Variants in CBLB observed in about 807,000 individuals in gnomAD.
CBLB encodes the protein E3 ubiquitin-protein ligase CBL-B.
A neutral mutation model predicts 104.9 loss-of-function variants in CBLB; 31 were observed. The observed-to-expected ratio is 0.30, with a 90% CI of 0.22 to 0.40. CBLB has a LOEUF of 0.40. Among genes scored for constraint, CBLB ranks in the 10% least tolerant of loss-of-function variants. The pLI, the probability that CBLB is intolerant of heterozygous loss-of-function variation, is 1.00. For missense variants in CBLB, 1,062 were observed against 1,214.6 expected, an observed-to-expected ratio of 0.87 and a Z score of 1.87; for synonymous variants, 440 against 422.6, an observed-to-expected ratio of 1.04 and a Z score of -0.51.
chr3:105,691,956 AT>A (rs1443334069), intron 13 of CBLB, among the ~76,000 whole-genome samples: 3 of 152,218 alleles, frequency 2.0e-5, no homozygotes, highest in African/African-American at 7.2e-5. Flanking sequence ...CTCCAAACTC[AT>A]TTGAAACTAC....
At position 105,681,348 on chromosome 3, in the gene CBLB, G is replaced by A. The variant is rs560150179; in HGVS notation, c.2428+131C>T. The A allele has an allele frequency of 1.5e-4, 128 of 852,282 alleles. No homozygotes were observed. The Middle Eastern group carries it at 2.1e-3, about 14-fold the overall frequency. The allele number at this position is 852,282 out of a possible 1,614,324, so 52.8% of individuals were successfully genotyped here. On this transcript the variant is annotated intron_variant, in intron 16 of 18. Coordinates refer to ENST00000394030, the MANE Select transcript of CBLB (RefSeq NM_170662.5). ...TGAACTTGGGAGTCACCGGCACCTG[G>A]AGAACCCATTCAAATTTCAGGCAAA...
chr3:105,690,208 G>T (rs2067502083), intron 13 of CBLB, among the ~76,000 whole-genome samples: 1 of 152,184 alleles, frequency 6.6e-6, no homozygotes, highest in Non-Finnish European at 1.5e-5. Context: ...CTACAGAAGT[G>T]TATGTTTGGT....
At chr3:105,843,561 G>GTTTTTC (rs2089845206) in intron 3 of CBLB, among the ~76,000 whole-genome samples, 1 of 151,996 alleles carries the variant, frequency 6.6e-6, no homozygotes, top group African/African-American at 2.4e-5. Context: ...AATTTCTAAA[G>GTTTTTC]AGAGATGGCA....
In CBLB at chr3:105,782,916, A is replaced by G. The variant is rs571033136; in HGVS notation, c.420-6374T>C. ...ATGTTATCTACGAAGTTTTATTAAC[A>G]GCAAGAAGCTATCCCTCAAAATAAG... On this transcript the variant is annotated intron_variant, in intron 3 of 18. Transcript: ENST00000394030. Among the ~76,000 whole-genome samples the G allele has an allele frequency of 2.6e-5, 4 of 152,326 alleles. No homozygotes were observed. In the South Asian group the frequency reaches 8.3e-4, roughly 32 times the overall value.
At chr3:105,782,852 G>A (rs1325631613) in intron 3 of CBLB, among the ~76,000 whole-genome samples, 1 of 152,152 alleles carries the variant, frequency 6.6e-6, no homozygotes, top group East Asian at 1.9e-4. Flanking sequence ...GATTACAGGC[G>A]TGAGCCAACT....
rs558999086 is a variant in CBLB at position 105,785,948 on chromosome 3, T to G, written c.420-9406A>C. Among the ~76,000 whole-genome samples the G allele has an allele frequency of 1.3e-4, 20 of 151,574 alleles. No individual in the cohort carries two copies. In the South Asian group the frequency reaches 3.3e-3, roughly 25 times the overall value. On this transcript the variant is annotated intron_variant, in intron 3 of 18. Coordinates refer to ENST00000394030, the MANE Select transcript of CBLB (RefSeq NM_170662.5). ...GCATATCAAGTGCCCCAGATATGCC[T>G]TCTCCGTTTGAAAGCCAACACAGAC... is the stretch of plus-strand genomic sequence containing the variant.
intron 3 of CBLB, among the ~76,000 whole-genome samples, chr3:105,805,044 C>G (rs2083334726): frequency 6.6e-6 from 1 of 152,164 alleles, no homozygotes; most frequent in Admixed American, 6.5e-5. Context: ...ATCACTTATC[C>G]AAACAATAGC....
At chr3:105,752,894 T>G (rs116007105) in intron 4 of CBLB, among the ~76,000 whole-genome samples, 44 of 152,226 alleles carry the variant, frequency 2.9e-4, no homozygotes, top group Non-Finnish European at 4.0e-4. Flanking sequence ...CTGCTGCTGC[T>G]GCTCTAGAGA....
At chr3:105,813,970 G>A (rs761802998) in intron 3 of CBLB, among the ~76,000 whole-genome samples, 67 of 152,206 alleles carry the variant, frequency 4.4e-4, no homozygotes, top group African/African-American at 1.6e-3. Flanking sequence ...AAGAAAGATC[G>A]TAGGACAGAA....
intron 3 of CBLB, among the ~76,000 whole-genome samples, chr3:105,790,885 C>T (rs2081554799): frequency 6.6e-6 from 1 of 152,194 alleles, no homozygotes; most frequent in African/African-American, 2.4e-5. Context: ...AGGACCCTGC[C>T]TCCCCATCCA....
intron 4 of CBLB, among the ~76,000 whole-genome samples, chr3:105,763,822 C>T (rs1203027943): frequency 6.6e-6 from 1 of 152,154 alleles, no homozygotes; most frequent in Non-Finnish European, 1.5e-5. Flanking sequence ...GCAGAAGATA[C>T]TGGGTTTCTG....
At chr3:105,770,016 T>G (rs2078674764) in intron 4 of CBLB, among the ~76,000 whole-genome samples, 1 of 152,136 alleles carries the variant, frequency 6.6e-6, no homozygotes. Context: ...AGTTAGAATC[T>G]GTGTTTCTAA....
rs755958233 is a variant in CBLB at position 105,702,233 on chromosome 3, C to T, written c.1820G>A (p.Cys607Tyr). The change falls in exon 12 of 19, where the codon TGT becomes TAT. Residue 607 changes from cysteine to tyrosine, a missense_variant. Coordinates refer to ENST00000394030, the MANE Select transcript of CBLB (RefSeq NM_170662.5). ...TGGAGAGCCCTCCCCTAGGAGTCGA[C>T]ATCCCACAAGCTGATTAGTCCCAAA... ...DVFGTNQLVG[C>Y]RLLGEGSPKP... The T allele has an allele frequency of 1.2e-5, 20 of 1,613,958 alleles. No individual in the cohort carries two copies. The African/African-American group carries it at 1.7e-4, about 14-fold the overall frequency.
chr3:105,793,849 G>T (rs1299644598), intron 3 of CBLB, among the ~76,000 whole-genome samples: 2 of 149,784 alleles, frequency 1.3e-5, no homozygotes, highest in Non-Finnish European at 3.0e-5. Flanking sequence ...CTTTGAAAAA[G>T]AAATGCAAAA....
chr3:105,814,132 T>G (rs764690254), intron 3 of CBLB, among the ~76,000 whole-genome samples: 8 of 152,124 alleles, frequency 5.3e-5, no homozygotes, highest in Non-Finnish European at 1.2e-4. Flanking sequence ...ACTCAGAACT[T>G]GAGAAATCAA....
At chr3:105,725,253 G>T (rs956370184) in intron 9 of CBLB, among the ~76,000 whole-genome samples, 6 of 152,124 alleles carry the variant, frequency 3.9e-5, no homozygotes, top group African/African-American at 1.4e-4. Context: ...CATAGTAAAA[G>T]CTTTTTGTTT....
chr3:105,741,095 G>GGTTT (rs779847465), intron 6 of CBLB, among the ~76,000 whole-genome samples: 1 of 108,200 alleles, frequency 9.2e-6, no homozygotes, highest in East Asian at 3.1e-4. Flanking sequence ...AAAAATTAGG[G>GGTTT]TTTTTTTTTT....
intron 5 of CBLB, among the ~76,000 whole-genome samples, chr3:105,749,356 G>C (rs1053570513): frequency 6.6e-6 from 1 of 152,114 alleles, no homozygotes; most frequent in Non-Finnish European, 1.5e-5. Flanking sequence ...TTTCACAGTA[G>C]CTTGACTTAA....
At chr3:105,801,421 A>G (rs1481247045) in intron 3 of CBLB, among the ~76,000 whole-genome samples, 3 of 152,226 alleles carry the variant, frequency 2.0e-5, no homozygotes, top group Non-Finnish European at 4.4e-5. Flanking sequence ...TACTTTAAGT[A>G]TAAGGAACTC....
Sources: gnomAD v4.1 joint callset for allele counts (sites outside exome capture counted in the v4.1 genomes callset) on GRCh38, gnomAD v4.1.1 for gene constraint, MANE v1.5 for transcripts, NCBI Gene and HGNC (gene_info 2026-07-23, HGNC 2026-07-21) for gene names.